CRACR2B: variants seen among roughly 807,000 people sequenced by gnomAD.
CRACR2B encodes the protein calcium release activated channel regulator 2B.
In CRACR2B, 50 loss-of-function variants were observed where a neutral mutation model predicts 46.0. That is an observed-to-expected ratio of 1.09 (90% confidence interval 0.87 to 1.38). CRACR2B has a LOEUF of 1.38. Among genes scored for constraint, CRACR2B ranks in the 40% most tolerant of loss-of-function variants. The pLI is 0.00. For missense variants in CRACR2B, 667 were observed against 535.0 expected, an observed-to-expected ratio of 1.25 and a Z score of -2.43; for synonymous variants, 277 against 239.6, an observed-to-expected ratio of 1.16 and a Z score of -1.44.
chr11:831,895 GC>G lies in CRACR2B; in HGVS notation c.*189del. The G allele has an allele frequency of 1.6e-6, 1 of 616,496 alleles. No homozygotes were observed. The highest frequency in any genetic ancestry group is 2.6e-6 in the Non-Finnish European group (1 of 384,440). The allele number at this position is 616,496 out of a possible 1,614,324, so 38.2% of individuals were successfully genotyped here. ...CGGGAGTGGCCAGGGTCCCGTGTGT[GC>G]CCTCTGCCAGTCTTCGCTCTGTCCC... is the stretch of plus-strand genomic sequence containing the variant. On this transcript the variant is annotated 3_prime_UTR_variant, in exon 9 of 9. Transcript: ENST00000525077.
chr11:831,469 G>A (rs962142817), intron 8 of CRACR2B, 66 bp from the exon 9 acceptor site: 83 of 1,509,494 alleles, frequency 5.5e-5, no homozygotes, highest in Non-Finnish European at 7.3e-5. Context: ...GAGGGGAGTC[G>A]GAGCTCACCT....
chr11:830,973 G>A lies in CRACR2B; in HGVS notation c.894G>A (p.Ala298=). ...CGCTGCGAACGCAGCTGGAGGGGGCGCAGGAGCAGATCCGCAGGCTGGAGA... is the reference window on the plus strand; with the variant it reads ...CGCTGCGAACGCAGCTGGAGGGGGCACAGGAGCAGATCCGCAGGCTGGAGA... ...HEALRTQLEG[A]QEQIRRLESE... is the part of the protein sequence containing the mutation. Residue 298 remains alanine, a synonymous_variant, in exon 7 of 9, where the codon GCG becomes GCA. Coordinates refer to ENST00000525077, the MANE Select transcript of CRACR2B (RefSeq NM_001286606.2). The A allele has an allele frequency of 6.5e-7, 1 of 1,533,716 alleles. No homozygotes were observed. Among genetic ancestry groups the A allele is most frequent in the Non-Finnish European group, 8.7e-7 (1 of 1,146,634 alleles).
rs537253663 is a variant in CRACR2B at position 830,629 on chromosome 11, C to T, written c.702C>T (p.Ala234=). The T allele has an allele frequency of 8.5e-5, 131 of 1,549,286 alleles. 3 individuals carry two copies. In the African/African-American group the frequency reaches 1.3e-3, roughly 15 times the overall value. Residue 234 remains alanine (A), a synonymous_variant, in exon 6 of 9, where the codon GCC becomes GCT. Coordinates refer to ENST00000525077, the MANE Select transcript of CRACR2B (RefSeq NM_001286606.2). ...TCCTCCGTGCGTCCCAGAACTTCGCCCGCGGGGAGCGGAGAAGCCGTCTGG... is the reference window on the plus strand; with the variant it reads ...TCCTCCGTGCGTCCCAGAACTTCGCTCGCGGGGAGCGGAGAAGCCGTCTGG... ...QSRRPPSQNF[A]RGERRSRLEL...
rs1401651001 is a variant in CRACR2B, at chr11:829,581, GT to G, written c.458+44del. 1.5e-5 allele frequency: 23 copies of G among 1,508,328 alleles called. 1 individual carries two copies. In the Admixed American group the frequency reaches 5.4e-4, roughly 35 times the overall value. The allele number at this position is 1,508,328 out of a possible 1,614,324, so 93.4% of individuals were successfully genotyped here. On this transcript the variant is annotated intron_variant, in intron 3 of 8. Coordinates refer to ENST00000525077, the MANE Select transcript of CRACR2B (RefSeq NM_001286606.2). The stretch of plus-strand genomic sequence containing the variant: ...CCCCGCTCCCACTGCCCGCTCTGCT[GT>G]TTCTCTGCCTGCATGCTGTCTGCCC...
chr11:826,837 C>T (rs1845935837), upstream of CRACR2B, among the ~76,000 whole-genome samples: 1 of 152,144 alleles, frequency 6.6e-6, no homozygotes, highest in Admixed American at 6.5e-5. Context: ...GTTTAAAAAC[C>T]GGGAAAGTAT....
chr11:830,077 G>A lies in CRACR2B; in HGVS notation c.550G>A (p.Ala184Thr). The A allele has an allele frequency of 6.5e-7, 1 of 1,549,442 alleles. No homozygotes were observed. The highest frequency in any genetic ancestry group is 1.9e-5 in the Admixed American group (1 of 52,834). ...SFEDVLIRAS[A>T]CLEEAARERD... is the part of the protein sequence containing the mutation. Reference sequence around the variant, plus strand: ...CGAGGATGTTCTGATACGCGCGTCGGCCTGCCTGGAGGAGGCGGCCCGGGA... The same window carrying A: ...CGAGGATGTTCTGATACGCGCGTCGACCTGCCTGGAGGAGGCGGCCCGGGA... The change falls in exon 4 of 9, where the codon GCC becomes ACC. Residue 184 changes from alanine (A) to threonine (T), a missense_variant. Physicochemically the swap from Ala to Thr is moderately conservative, Grantham distance 58. Transcript: ENST00000525077.
At chr11:829,590 C>T in intron 3 of CRACR2B, 50 bp downstream of exon 3, 1 of 1,488,448 alleles carries the variant, frequency 6.7e-7, no homozygotes, top group Non-Finnish European at 9.0e-7. Flanking sequence ...TGTTTCTCTG[C>T]CTGCATGCTG....
chr11:829,092 T>G, intron 2 of CRACR2B, 129 bp downstream of exon 2: 1 of 1,360,910 alleles, frequency 7.3e-7, no homozygotes, highest in Non-Finnish European at 1.0e-6. Flanking sequence ...GTGCTTTGTC[T>G]GCACGCACTC....
chr11:829,596 T>A, intron 3 of CRACR2B, 56 bp downstream of exon 3: 6 of 1,478,500 alleles, frequency 4.1e-6, no homozygotes, highest in Non-Finnish European at 5.4e-6. Context: ...TCTGCCTGCA[T>A]GCTGTCTGCC....
In CRACR2B at chr11:828,016, C is replaced by T. The variant is rs1246646267; in HGVS notation, c.-592C>T. 1.3e-5 allele frequency among the ~76,000 whole-genome samples: 2 copies of T among 151,792 alleles called. No homozygotes were observed. Among genetic ancestry groups the T allele is most frequent in the Admixed American group, 6.6e-5 (1 of 15,262 alleles). The stretch of plus-strand genomic sequence containing the variant: ...TCTGCAGGCTGGGACCTTGCCCCTG[C>T]ACTCTGTGGGCTCAGTTGTGGGGAG... On this transcript the variant is annotated 5_prime_UTR_variant, in exon 1 of 9. Coordinates refer to ENST00000525077, the MANE Select transcript of CRACR2B (RefSeq NM_001286606.2).
rs760736195 is a variant in CRACR2B, at chr11:828,558, C to T, written c.-50C>T. 2.0e-6 allele frequency: 3 copies of T among 1,535,862 alleles called. No individual in the cohort carries two copies. Among genetic ancestry groups the T allele is most frequent in the Non-Finnish European group, 2.6e-6 (3 of 1,150,278 alleles). Reference sequence around the variant, plus strand: ...CTCCCCTCCTGAATTTCTTCTGACCCTCCCTTGGCTTCACAGCACCTGAAG... The same window carrying T: ...CTCCCCTCCTGAATTTCTTCTGACCTTCCCTTGGCTTCACAGCACCTGAAG... On this transcript the variant is annotated 5_prime_UTR_variant, in exon 1 of 9. Transcript: ENST00000525077.
upstream of CRACR2B, among the ~76,000 whole-genome samples, chr11:826,700 T>C (rs909070641): frequency 6.6e-6 from 1 of 151,730 alleles, no homozygotes; most frequent in Non-Finnish European, 1.5e-5. Context: ...ATTTTTTGTA[T>C]TTTTAGTAGA....
chr11:828,731 G>A lies in CRACR2B; in HGVS notation c.124G>A (p.Asp42Asn), dbSNP rs375526040. ...EQAEELFLLCDKEAKGFITKH... is the reference protein window; with the variant it reads ...EQAEELFLLCNKEAKGFITKH... The stretch of plus-strand genomic sequence containing the variant: ...GGCTGAGGAGCTGTTTCTGCTGTGT[G>A]ACAAGGAGGCTAAGGGCTTCATCAC... Residue 42 changes from aspartate (D) to asparagine (N), a missense_variant, in exon 1 of 9, where the codon GAC (aspartate) becomes AAC (asparagine). By Grantham distance (23) the Asp-to-Asn change is conservative. Transcript: ENST00000525077. 1 of 1,613,574 alleles carries A rather than the reference G, an allele frequency of 6.2e-7. No individual in the cohort carries two copies.
In CRACR2B at chr11:830,944, G is replaced by A. The variant is rs1365984987; in HGVS notation, c.865G>A (p.Glu289Lys). ...AQNSQLWRAH[E>K]ALRTQLEGAQ... ...GAACTCCCAGCTGTGGCGGGCGCAC[G>A]AGGCGCTGCGAACGCAGCTGGAGGG... Residue 289 changes from glutamate to lysine, a missense_variant, in exon 7 of 9, where the codon GAG (glutamate) becomes AAG (lysine). Transcript: ENST00000525077. 5 of 1,533,212 alleles carry A rather than the reference G, an allele frequency of 3.3e-6. No individual in the cohort carries two copies. The highest frequency in any genetic ancestry group is 2.0e-5 in the Admixed American group (1 of 50,964). The allele number at this position is 1,533,212 out of a possible 1,614,324, so 95.0% of individuals were successfully genotyped here. A position where few individuals can be genotyped will look rare whatever the true frequency, so the allele number is the denominator to read the frequency against.
intron 4 of CRACR2B, 34 bp downstream of exon 4, chr11:830,166 A>G (rs990316221): frequency 6.9e-5 from 103 of 1,503,514 alleles, no homozygotes; most frequent in Non-Finnish European, 8.7e-5. Context: ...GGGCCAATGG[A>G]GGGCCTCAGG....
Position 828,411 on chromosome 11 carries a change from C to A in CRACR2B, c.-197C>A. On this transcript the variant is annotated 5_prime_UTR_variant, in exon 1 of 9. Transcript: ENST00000525077. Reference sequence around the variant, plus strand: ...GCCTACATCAACCACCCCAGTGACACCCCAAGCCTGCAGCATTTTCCACCC... The same window carrying A: ...GCCTACATCAACCACCCCAGTGACAACCCAAGCCTGCAGCATTTTCCACCC... 1.6e-6 allele frequency: 1 copy of A among 622,038 alleles called. No homozygotes were observed. The highest frequency in any genetic ancestry group is 3.5e-5 in the Admixed American group (1 of 28,762). 38.5% of individuals were successfully genotyped at this position (622,038 alleles called of 1,614,324 possible).
At chr11:826,844 G>A (rs1434474226), upstream of CRACR2B, among the ~76,000 whole-genome samples, 1 of 152,206 alleles carries the variant, frequency 6.6e-6, no homozygotes, top group African/African-American at 2.4e-5. Context: ...AACCGGGAAA[G>A]TATAGAGAAG....
At chr11:829,206 C>A in intron 2 of CRACR2B, 154 bp from the exon 3 acceptor site, 1 of 1,417,910 alleles carries the variant, frequency 7.1e-7, no homozygotes, top group Non-Finnish European at 9.4e-7. Flanking sequence ...GCTGGCCTGT[C>A]ACCTCTTGTT....
chr11:831,573 G>T lies in CRACR2B; in HGVS notation c.1064G>T (p.Cys355Phe). Reference sequence around the variant, plus strand: ...CGGCTGCGGGATGACAGGGACGCCTGCGAGGCCAGGCGGGCGGGCAGCAGC... The same window carrying T: ...CGGCTGCGGGATGACAGGGACGCCTTCGAGGCCAGGCGGGCGGGCAGCAGC... Reference protein sequence around the residue: ...NTRLRDDRDACEARRAGSSCR... With the variant: ...NTRLRDDRDAFEARRAGSSCR... Residue 355 changes from cysteine to phenylalanine, a missense_variant, in exon 9 of 9, where the codon TGC becomes TTC. Cys to Phe is a radical substitution (Grantham distance 205, BLOSUM62 -2). Coordinates refer to ENST00000525077, the MANE Select transcript of CRACR2B (RefSeq NM_001286606.2). 6.3e-7 allele frequency: 1 copy of T among 1,597,198 alleles called. No homozygotes were observed. Among genetic ancestry groups the T allele is most frequent in the Non-Finnish European group, 8.5e-7 (1 of 1,174,136 alleles).
Sources: gnomAD v4.1 joint callset for allele counts (sites outside exome capture counted in the v4.1 genomes callset) on GRCh38, gnomAD v4.1.1 for gene constraint, MANE v1.5 for transcripts, NCBI Gene and HGNC (gene_info 2026-07-23, HGNC 2026-07-21) for gene names.